HIF1A: variants seen among roughly 807,000 people sequenced by gnomAD.
The protein encoded by HIF1A is hypoxia inducible factor 1 subunit alpha.
In HIF1A, 24 loss-of-function variants were observed where a neutral mutation model predicts 92.7. The observed-to-expected ratio is 0.26, with a 90% CI of 0.19 to 0.36. The LOEUF is 0.36. Among genes scored for constraint, HIF1A ranks in the 10% least tolerant of loss-of-function variants. The pLI is 1.00. For synonymous variants in HIF1A, 319 were observed against 338.7 expected (o/e 0.94, Z 0.64); for missense variants, 799 against 998.5 (o/e 0.80, Z 2.69).
At chr14:61,746,032 T>A in intron 14 of HIF1A, among the ~76,000 whole-genome samples, 1 of 152,110 alleles carries the variant, frequency 6.6e-6, no homozygotes, top group Non-Finnish European at 1.5e-5. Context: ...GAGACCAGCC[T>A]GGCCACCATG....
intron 1 of HIF1A, among the ~76,000 whole-genome samples, chr14:61,696,398 T>C (rs2044116680): frequency 6.6e-6 from 1 of 152,246 alleles, no homozygotes; most frequent in South Asian, 2.1e-4. Flanking sequence ...GATCTTGTCC[T>C]GTAGTTGTCC....
chr14:61,709,998 G>A (rs1010979684), intron 1 of HIF1A, among the ~76,000 whole-genome samples: 4 of 152,036 alleles, frequency 2.6e-5, no homozygotes, highest in African/African-American at 9.7e-5. Context: ...TGTAAACTTT[G>A]CTAACACTGT....
At position 61,740,797 on chromosome 14, in the gene HIF1A, A is replaced by G. The variant is rs982272328; in HGVS notation, c.1702A>G (p.Met568Val). The G allele has an allele frequency of 6.2e-7, 1 of 1,613,980 alleles. No homozygotes were observed. The highest frequency in any genetic ancestry group is 8.5e-7 in the Non-Finnish European group (1 of 1,179,982). ...GGAGATGTTAGCTCCCTATATCCCA[A>G]TGGATGATGACTTCCAGTTACGTTC... ...DLEMLAPYIP[M>V]DDDFQLRSFD... Residue 568 changes from methionine to valine, a missense_variant, in exon 12 of 15, where the codon ATG (methionine) becomes GTG (valine). This residue lies in a region of HIF1A where 516 missense variants were observed against 721.0 expected (regional missense o/e 0.72). Coordinates refer to ENST00000337138, the MANE Select transcript of HIF1A (RefSeq NM_001530.4).
At position 61,731,644 on chromosome 14, in the gene HIF1A, G is replaced by C. The variant is rs559257665; in HGVS notation, c.774-774G>C. On this transcript the variant is annotated intron_variant, in intron 6 of 14. Transcript: ENST00000337138. ...ATGGCTATTGATCTCTCAAAGTGAG[G>C]TGTTGCCTAGGGGCTTAAAAGTTAC... is the stretch of plus-strand genomic sequence containing the variant. 3.3e-5 allele frequency among the ~76,000 whole-genome samples: 5 copies of C among 152,310 alleles called. No homozygotes were observed. In the South Asian group the frequency reaches 1.0e-3, roughly 32 times the overall value.
intron 4 of HIF1A, among the ~76,000 whole-genome samples, chr14:61,723,760 T>A (rs979039068): frequency 1.2e-4 from 19 of 152,240 alleles, no homozygotes; most frequent in Admixed American, 6.5e-4. Context: ...GATTTGGTAA[T>A]GATGTTAATG....
intron 1 of HIF1A, among the ~76,000 whole-genome samples, chr14:61,711,710 ATGCCTGTGTT>A (rs1206708548): frequency 6.6e-6 from 1 of 152,152 alleles, no homozygotes; most frequent in Non-Finnish European, 1.5e-5. Flanking sequence ...CTTGTGGCTA[ATGCCTGTGTT>A]TGCCTGTGTT....
chr14:61,727,271 GT>G (rs1168088483), intron 5 of HIF1A, among the ~76,000 whole-genome samples, 181 bp from the exon 6 acceptor site: 2 of 152,194 alleles, frequency 1.3e-5, no homozygotes, highest in African/African-American at 4.8e-5. Context: ...TGGGCAGGAA[GT>G]AGGTCATAGG....
At chr14:61,723,858 A>G (rs537289970) in intron 4 of HIF1A, among the ~76,000 whole-genome samples, 172 of 152,198 alleles carry the variant, frequency 1.1e-3, no homozygotes, top group Admixed American at 3.1e-3. Flanking sequence ...ACATTTTGAA[A>G]TCATTACTAA....
chr14:61,703,621 TAA>T (rs1008107365), intron 1 of HIF1A, among the ~76,000 whole-genome samples: 7 of 138,030 alleles, frequency 5.1e-5, no homozygotes, highest in Admixed American at 1.5e-4. Flanking sequence ...GTTTGTAATA[TAA>T]AAAAAAAAAA....
At chr14:61,744,115 T>C (rs1374340342) in intron 12 of HIF1A, among the ~76,000 whole-genome samples, 1 of 152,242 alleles carries the variant, frequency 6.6e-6, no homozygotes, top group Non-Finnish European at 1.5e-5. Context: ...TGCATTGTTA[T>C]ATTAGGTGGA....
chr14:61,717,855 TA>T (rs369436611), intron 1 of HIF1A, among the ~76,000 whole-genome samples: 2 of 151,822 alleles, frequency 1.3e-5, no homozygotes, highest in African/African-American at 4.8e-5. Context: ...AACCTGTCTG[TA>T]CTAAAAATAC....
chr14:61,740,681 G>C, intron 11 of HIF1A, 54 bp downstream of exon 11: 1 of 1,545,528 alleles, frequency 6.5e-7, no homozygotes, highest in Non-Finnish European at 8.8e-7. Context: ...AGTCTGAAGT[G>C]ACTTTGAGTT....
chr14:61,711,276 C>T (rs1277066358), intron 1 of HIF1A, among the ~76,000 whole-genome samples: 2 of 142,140 alleles, frequency 1.4e-5, no homozygotes, highest in South Asian at 2.2e-4. Flanking sequence ...ACAATCACAG[C>T]TCACTGCAGC....
At chr14:61,704,210 GT>G (rs1446979996) in intron 1 of HIF1A, among the ~76,000 whole-genome samples, 11 of 152,268 alleles carry the variant, frequency 7.2e-5, no homozygotes, top group Non-Finnish European at 1.5e-4. Context: ...TATAGTATTG[GT>G]TAAGTTGTTT....
rs185925039 is a variant in HIF1A at position 61,711,275 on chromosome 14, G to T, written c.36-9107G>T. Among the ~76,000 whole-genome samples the T allele has an allele frequency of 3.7e-4, 49 of 131,028 alleles. No individual in the cohort carries two copies. In the East Asian group the frequency reaches 6.5e-3, roughly 17 times the overall value. 86.0% of individuals were successfully genotyped at this position (131,028 alleles called of 152,430 possible). On this transcript the variant is annotated intron_variant, in intron 1 of 14. Transcript: ENST00000337138. ...TCTGGAGTGCAGTGGCACAATCACA[G>T]CTCACTGCAGCCTTGAACTCCTGGG...
intron 14 of HIF1A, among the ~76,000 whole-genome samples, chr14:61,746,558 C>CA (rs2140163794): frequency 6.6e-6 from 1 of 152,018 alleles, no homozygotes; most frequent in Non-Finnish European, 1.5e-5. Context: ...CATGCCTCAC[C>CA]ACACCCGGTT....
intron 1 of HIF1A, 149 bp from the exon 2 acceptor site, chr14:61,720,233 A>G: frequency 1.8e-6 from 1 of 561,098 alleles, no homozygotes; most frequent in Non-Finnish European, 3.0e-6. Flanking sequence ...AAAGTACATT[A>G]ATCTAGTAGA....
intron 4 of HIF1A, 130 bp from the exon 5 acceptor site, chr14:61,726,576 T>G: frequency 3.5e-6 from 2 of 564,228 alleles, no homozygotes; most frequent in Non-Finnish European, 6.4e-6. Context: ...GGGGAATGAA[T>G]TACTGTGTTC....
At chr14:61,715,682 C>G (rs1481973451) in intron 1 of HIF1A, 1 of 152,044 alleles carries the variant, frequency 6.6e-6, no homozygotes, top group Non-Finnish European at 1.5e-5. Context: ...TAGTAAGCAC[C>G]ATGCATAGGT....
Sources: allele counts gnomAD v4.1 joint callset (sites outside exome capture counted in the v4.1 genomes callset), GRCh38; gene constraint gnomAD v4.1.1; regional missense constraint gnomAD v4.1.1; transcripts MANE v1.5; gene names NCBI Gene and HGNC (gene_info 2026-07-23, HGNC 2026-07-21).